NRG2: variants seen among roughly 807,000 people sequenced by gnomAD.
NRG2 encodes the protein pro-neuregulin-2, membrane-bound isoform.
Under a neutral mutation model 73.9 loss-of-function variants are expected in NRG2, and 27 were observed. That is an observed-to-expected ratio of 0.37 (90% confidence interval 0.27 to 0.50). The LOEUF (loss-of-function observed/expected upper bound fraction) is 0.50. NRG2 is among the 20% of genes least tolerant of loss of function. NRG2 has a pLI of 0.96. For missense variants in NRG2, 1,126 were observed against 1,210.1 expected (o/e 0.93, Z 1.03); for synonymous variants, 532 against 541.0 (o/e 0.98, Z 0.23).
intron 1 of NRG2, among the ~76,000 whole-genome samples, chr5:140,026,312 T>G (rs1367744301): frequency 6.6e-6 from 1 of 152,180 alleles, no homozygotes; most frequent in Non-Finnish European, 1.5e-5. Context: ...TTGAAGATTT[T>G]GGGGTTGGGA....
intron 2 of NRG2, among the ~76,000 whole-genome samples, chr5:139,883,242 C>T (rs568561952): frequency 2.1e-5 from 3 of 140,896 alleles, no homozygotes; most frequent in African/African-American, 5.1e-5. Context: ...CCCCCTCCCC[C>T]CTACCTCCCC....
chr5:139,900,735 C>T (rs1421976211), intron 1 of NRG2, among the ~76,000 whole-genome samples: 1 of 152,234 alleles, frequency 6.6e-6, no homozygotes, highest in African/African-American at 2.4e-5. Context: ...AACCCCGAGG[C>T]CAGGGCTAGG....
intron 1 of NRG2, among the ~76,000 whole-genome samples, chr5:139,909,803 G>A (rs1765468204): frequency 6.6e-6 from 1 of 152,258 alleles, no homozygotes; most frequent in Non-Finnish European, 1.5e-5. Context: ...GGGCCTGGAT[G>A]CAGCCAGTCA....
chr5:139,871,863 G>T, intron 3 of NRG2, 22 bp from the exon 4 acceptor site: 2 of 1,612,124 alleles, frequency 1.2e-6, no homozygotes, highest in Non-Finnish European at 1.7e-6. Context: ...AGAGACATGT[G>T]CCAGTGACGC....
chr5:140,042,968 G>C lies in NRG2; in HGVS notation c.102C>G (p.Ser34Arg), dbSNP rs1219289679. ...DSSSSSSERS[S>R]SSSSSSSESG... ...TCTCGCTGCTGCTGCTGCTGCTGCT[G>C]CTGCTCCTCTCGCTGCTGCTGCTGC... The change falls in exon 1 of 10, where the codon AGC becomes AGG. Residue 34 changes from serine to arginine, a missense_variant. Physicochemically the swap from Ser to Arg is moderately radical, Grantham distance 110. Coordinates refer to ENST00000361474, the MANE Select transcript of NRG2 (RefSeq NM_004883.3). 9 of 1,543,012 alleles carry C rather than the reference G, an allele frequency of 5.8e-6. No homozygotes were observed. The highest frequency in any genetic ancestry group is 7.9e-6 in the Non-Finnish European group (9 of 1,144,794).
chr5:139,894,038 C>G lies in NRG2; in HGVS notation c.701-6527G>C, dbSNP rs1239885848. Among the ~76,000 whole-genome samples, 1 of 152,058 alleles carries G rather than the reference C, an allele frequency of 6.6e-6. No individual in the cohort carries two copies. Among genetic ancestry groups the G allele is most frequent in the African/African-American group, 2.4e-5 (1 of 41,332 alleles). ...AACAACAACCAGGACTGCTCTCTTC[C>G]CACATCCCAGCCCTGAGACCAGGGG... On this transcript the variant is annotated intron_variant, in intron 1 of 9. Transcript: ENST00000361474. The surrounding 1 kb of genome is among the most constrained non-coding windows in gnomAD (Gnocchi z 5.0).
chr5:140,019,421 G>A (rs780064429), intron 1 of NRG2: 4 of 152,208 alleles, frequency 2.6e-5, no homozygotes, highest in South Asian at 2.1e-4. Flanking sequence ...TGGGTAATTC[G>A]TAAGAGCAAA....
intron 1 of NRG2, among the ~76,000 whole-genome samples, chr5:139,950,653 C>T (rs1185857576): frequency 7.2e-5 from 11 of 152,320 alleles, no homozygotes; most frequent in South Asian, 6.2e-4. Context: ...ACTTTCCACA[C>T]GCCAGAATTA....
intron 1 of NRG2, among the ~76,000 whole-genome samples, chr5:140,029,270 G>A (rs1561764930): frequency 6.6e-6 from 1 of 152,210 alleles, no homozygotes; most frequent in East Asian, 1.9e-4. Context: ...AGTTCACACA[G>A]CGAGTAAGAA....
chr5:139,889,608 T>G (rs770930940), intron 1 of NRG2, among the ~76,000 whole-genome samples: 1 of 152,212 alleles, frequency 6.6e-6, no homozygotes, highest in South Asian at 2.1e-4. Context: ...TCATAACTTA[T>G]GTAACTGATT....
At chr5:139,957,313 G>C (rs1291406676) in intron 1 of NRG2, among the ~76,000 whole-genome samples, 1,976 of 30,932 alleles carry the variant, frequency 0.064, 37 homozygotes, top group African/African-American at 0.15. Flanking sequence ...ATCTCTGTGT[G>C]TGTGTGTGTG....
In NRG2 at chr5:139,879,279, A is replaced by C. The variant is rs1410091758; in HGVS notation, c.991+1577T>G. 2.0e-5 allele frequency among the ~76,000 whole-genome samples: 3 copies of C among 152,282 alleles called. No individual in the cohort carries two copies. In the East Asian group the frequency reaches 5.8e-4, roughly 29 times the overall value. On this transcript the variant is annotated intron_variant, in intron 3 of 9. Coordinates refer to ENST00000361474, the MANE Select transcript of NRG2 (RefSeq NM_004883.3). ...CCCACAGAGAAAGTTCAGCAATAGC[A>C]TGAGAGTTGAAGGCTAATCAAAGGC...
Position 140,042,864 on chromosome 5 carries a change from T to G in NRG2, c.206A>C (p.Gln69Pro). 6.6e-7 allele frequency: 1 copy of G among 1,506,664 alleles called. No homozygotes were observed. Among genetic ancestry groups the G allele is most frequent in the Non-Finnish European group, 8.8e-7 (1 of 1,130,234 alleles). The allele number at this position is 1,506,664 out of a possible 1,614,324, so 93.3% of individuals were successfully genotyped here. ...PAAPPEPRPQ[Q>P]QPQPRSPAAR... ...TGCGGGGCTGCGGGGCTGCGGCTGTTGCTGCGGCCGCGGCTCTGGGGGCGC... is the reference window on the plus strand; with the variant it reads ...TGCGGGGCTGCGGGGCTGCGGCTGTGGCTGCGGCCGCGGCTCTGGGGGCGC... The change falls in exon 1 of 10, where the codon CAA (glutamine) becomes CCA (proline). Residue 69 changes from glutamine (Q) to proline (P), a missense_variant. Gln to Pro is a moderately conservative substitution (Grantham distance 76). Transcript: ENST00000361474.
At chr5:139,976,584 C>T (rs1756401698) in intron 1 of NRG2, among the ~76,000 whole-genome samples, 1 of 152,140 alleles carries the variant, frequency 6.6e-6, no homozygotes. Flanking sequence ...CACTGGTAGC[C>T]CCTAAATCCT....
chr5:139,905,421 A>G (rs1043897387), intron 1 of NRG2, among the ~76,000 whole-genome samples: 17 of 152,342 alleles, frequency 1.1e-4, no homozygotes, highest in African/African-American at 4.1e-4. Flanking sequence ...TCCAAGTCAA[A>G]GATCATCTCA....
chr5:139,885,353 G>A (rs757018083), intron 2 of NRG2, among the ~76,000 whole-genome samples: 3 of 152,198 alleles, frequency 2.0e-5, no homozygotes, highest in Non-Finnish European at 4.4e-5. Context: ...TTCCCAGGCC[G>A]AGGCCGCTGA....
intron 1 of NRG2, among the ~76,000 whole-genome samples, chr5:140,001,778 G>A (rs909858008): frequency 6.6e-6 from 1 of 151,650 alleles, no homozygotes; most frequent in Non-Finnish European, 1.5e-5. Context: ...CTGTAGGATC[G>A]TGTAAGCCCA....
At chr5:139,849,737 C>T (rs919166845) in intron 9 of NRG2, among the ~76,000 whole-genome samples, 32 of 152,252 alleles carry the variant, frequency 2.1e-4, no homozygotes, top group Middle Eastern at 3.4e-3. Flanking sequence ...CCTTTCCCAC[C>T]GGCACATCTG....
chr5:140,038,658 T>C (rs1307721922), intron 1 of NRG2, among the ~76,000 whole-genome samples: 1 of 152,184 alleles, frequency 6.6e-6, no homozygotes, highest in Non-Finnish European at 1.5e-5. Flanking sequence ...GGAGAGTCCT[T>C]CTATAAACCA....
Sources: gnomAD v4.1 joint callset for allele counts (sites outside exome capture counted in the v4.1 genomes callset) on GRCh38, gnomAD v4.1.1 for gene constraint, Gnocchi (gnomAD v3.1) non-coding constraint, MANE v1.5 for transcripts, NCBI Gene and HGNC (gene_info 2026-07-23, HGNC 2026-07-21) for gene names.